GRK5: variants seen among roughly 807,000 people sequenced by gnomAD.
GRK5 encodes the protein G protein-coupled receptor kinase 5, also known as g protein-coupled receptor kinase GRK5.
In GRK5, 40 loss-of-function variants were observed where a neutral mutation model predicts 78.4. The observed-to-expected ratio is 0.51, with a 90% CI of 0.40 to 0.66. The LOEUF (loss-of-function observed/expected upper bound fraction) is 0.66, where lower values mean the gene tolerates loss of function less well. Ranked by LOEUF, GRK5 falls within the 30% of genes least tolerant of loss-of-function variation. The pLI is 0.00. For missense variants in GRK5, 598 were observed against 759.9 expected (o/e 0.79, Z 2.50); for synonymous variants, 289 against 296.8 (o/e 0.97, Z 0.27).
chr10:119,349,237 G>C (rs922429301), intron 2 of GRK5, among the ~76,000 whole-genome samples: 1 of 152,170 alleles, frequency 6.6e-6, no homozygotes, highest in Admixed American at 6.5e-5. Flanking sequence ...ATTTGCAGTC[G>C]GTCAAGCCTG....
chr10:119,207,866 C>G lies in GRK5; in HGVS notation c.-52C>G, dbSNP rs1299469307. 1 of 1,530,564 alleles carries G rather than the reference C, an allele frequency of 6.5e-7. No individual in the cohort carries two copies. Among genetic ancestry groups the G allele is most frequent in the African/African-American group, 1.4e-5 (1 of 70,730 alleles). The allele number at this position is 1,530,564 out of a possible 1,614,324, so 94.8% of individuals were successfully genotyped here. A position where few individuals can be genotyped will look rare whatever the true frequency, so the allele number is the denominator to read the frequency against. ...CAGCGGCAGCAGCAGCGGCAGCACC[C>G]CAGGCGCTGACAGCCCCGCCGGCCG... On this transcript the variant is annotated 5_prime_UTR_variant, in exon 1 of 16. Transcript: ENST00000392870.
At chr10:119,376,845 G>A (rs191039354) in intron 2 of GRK5, among the ~76,000 whole-genome samples, 38 of 152,288 alleles carry the variant, frequency 2.5e-4, no homozygotes, top group African/African-American at 9.1e-4. Flanking sequence ...GGGATTACAG[G>A]CGTAAGCCAC....
rs1472726992 is a variant in GRK5 at position 119,264,417 on chromosome 10, C to T, written c.52+56448C>T. ...TTCTCTGTTTCCTGCCTCCTGCTTC[C>T]TACAGCTCTTGGCTCTGCTGCTTTC... On this transcript the variant is annotated intron_variant, in intron 1 of 15. Coordinates refer to ENST00000392870, the MANE Select transcript of GRK5 (RefSeq NM_005308.3). This position sits in a 1 kb window ranked among gnomAD's most constrained non-coding sequence, Gnocchi z 4.1. Among the ~76,000 whole-genome samples, 1 of 152,156 alleles carries T rather than the reference C, an allele frequency of 6.6e-6. No homozygotes were observed. The highest frequency in any genetic ancestry group is 2.4e-5 in the African/African-American group (1 of 41,410).
intron 1 of GRK5, among the ~76,000 whole-genome samples, chr10:119,251,826 C>G (rs987082220): frequency 1.3e-5 from 2 of 152,180 alleles, no homozygotes; most frequent in African/African-American, 2.4e-5. Flanking sequence ...TGTCTCCAGA[C>G]TTTGTCAAAT....
Position 119,373,809 on chromosome 10 carries a change from C to A in GRK5, c.149-7006C>A, listed in dbSNP as rs576752153. On this transcript the variant is annotated intron_variant, in intron 2 of 15. Coordinates refer to ENST00000392870, the MANE Select transcript of GRK5 (RefSeq NM_005308.3). ...TTGCTCGACACGGGGTTGCCACAAA[C>A]CTTCAATTCATATAAAAAATGCAAT... Among the ~76,000 whole-genome samples the A allele has an allele frequency of 5.8e-4, 88 of 152,254 alleles. 1 individual carries two copies. Among genetic ancestry groups the A allele is most frequent in the Admixed American group, 5.8e-3 (88 of 15,290 alleles).
chr10:119,364,018 A>C (rs767694695), intron 2 of GRK5, among the ~76,000 whole-genome samples: 1 of 152,254 alleles, frequency 6.6e-6, no homozygotes, highest in Non-Finnish European at 1.5e-5. Context: ...CATCTAGGTC[A>C]GCATCAAGGA....
intron 1 of GRK5, among the ~76,000 whole-genome samples, chr10:119,287,036 G>A (rs890428828): frequency 6.6e-6 from 1 of 150,594 alleles, no homozygotes; most frequent in Non-Finnish European, 1.5e-5. Flanking sequence ...AATTTATATT[G>A]AAGAATAGGA....
chr10:119,370,736 T>C (rs1851532719), intron 2 of GRK5, among the ~76,000 whole-genome samples: 1 of 152,170 alleles, frequency 6.6e-6, no homozygotes, highest in South Asian at 2.1e-4. Flanking sequence ...CACTTCTCTG[T>C]TTATTGTTTC....
At chr10:119,391,248 T>G (rs1197665554) in intron 3 of GRK5, among the ~76,000 whole-genome samples, 1 of 152,220 alleles carries the variant, frequency 6.6e-6, no homozygotes, top group Non-Finnish European at 1.5e-5. Flanking sequence ...TAGAGAACAC[T>G]TTGCCCAGGC....
Position 119,336,908 on chromosome 10 carries a change from T to C in GRK5, c.148+10297T>C, listed in dbSNP as rs1027915804. ...AGGAGGGAAGGGTGGCCCCGCTGTC[T>C]TTGCGGTGTTAGTCTCACCTCCCCA... On this transcript the variant is annotated intron_variant, in intron 2 of 15. Transcript: ENST00000392870. This position sits in a 1 kb window ranked among gnomAD's most constrained non-coding sequence, Gnocchi z 4.5. Among the ~76,000 whole-genome samples the C allele has an allele frequency of 2.2e-4, 34 of 152,148 alleles. No individual in the cohort carries two copies. Among genetic ancestry groups the C allele is most frequent in the Admixed American group, 5.9e-4 (9 of 15,282 alleles).
chr10:119,358,326 C>T (rs1033531396), intron 2 of GRK5, among the ~76,000 whole-genome samples: 10 of 152,116 alleles, frequency 6.6e-5, no homozygotes, highest in African/African-American at 1.9e-4. Context: ...TGATTATGCC[C>T]GGGGTGTAGC....
intron 2 of GRK5, among the ~76,000 whole-genome samples, chr10:119,354,805 G>A (rs1455820912): frequency 6.6e-6 from 1 of 152,038 alleles, no homozygotes; most frequent in African/African-American, 2.4e-5. Flanking sequence ...AACCAAACAT[G>A]GATTGAAAAT....
chr10:119,353,186 G>C (rs182380338), intron 2 of GRK5, among the ~76,000 whole-genome samples: 1 of 152,250 alleles, frequency 6.6e-6, no homozygotes, highest in Middle Eastern at 3.4e-3. Context: ...TGGGAATTGG[G>C]ATGCTAGACC....
At chr10:119,368,378 T>G (rs1269964613) in intron 2 of GRK5, among the ~76,000 whole-genome samples, 1 of 151,940 alleles carries the variant, frequency 6.6e-6, no homozygotes, top group Non-Finnish European at 1.5e-5. Context: ...GGGGTGGTGC[T>G]GGGGGCGGGG....
chr10:119,329,011 C>A (rs1041439121), intron 2 of GRK5, among the ~76,000 whole-genome samples: 1 of 152,236 alleles, frequency 6.6e-6, no homozygotes, highest in African/African-American at 2.4e-5. Context: ...TTCACCACTG[C>A]GTAGTTGGTG....
intron 3 of GRK5, among the ~76,000 whole-genome samples, chr10:119,394,317 G>C (rs117191330): frequency 2.5e-4 from 5 of 20,376 alleles, no homozygotes; most frequent in Admixed American, 3.8e-4. Flanking sequence ...TGGGCACGTG[G>C]GTGTGTGTAT....
intron 1 of GRK5, among the ~76,000 whole-genome samples, chr10:119,261,500 G>A (rs1219368771): frequency 2.6e-5 from 4 of 151,718 alleles, no homozygotes; most frequent in East Asian, 2.0e-4. Flanking sequence ...ACGGGGTGGC[G>A]GCCGGGCAGA....
chr10:119,442,042 C>T lies in GRK5; in HGVS notation c.1011C>T (p.Pro337=), dbSNP rs149427927. The T allele has an allele frequency of 4.5e-5, 73 of 1,613,986 alleles. No individual in the cohort carries two copies. Among genetic ancestry groups the T allele is most frequent in the Middle Eastern group, 3.3e-4 (2 of 6,062 alleles). ...ACCTGGGCTTGGCTGTGAAGATCCC[C>T]GAGGGAGACCTGATCCGCGGCCGGG... is the stretch of plus-strand genomic sequence containing the variant. ...ISDLGLAVKI[P]EGDLIRGRVG... The change falls in exon 11 of 16, where the codon CCC becomes CCT. Residue 337 remains proline, a synonymous_variant. Coordinates refer to ENST00000392870, the MANE Select transcript of GRK5 (RefSeq NM_005308.3).
chr10:119,355,621 AAT>A (rs549765056), intron 2 of GRK5, among the ~76,000 whole-genome samples: 47 of 152,350 alleles, frequency 3.1e-4, no homozygotes, highest in African/African-American at 1.1e-3. Flanking sequence ...CTCTATTAAA[AAT>A]ACAAAAATTA....
Sources: allele counts gnomAD v4.1 joint callset (sites outside exome capture counted in the v4.1 genomes callset), GRCh38; gene constraint gnomAD v4.1.1; non-coding constraint Gnocchi (gnomAD v3.1); transcripts MANE v1.5; gene names NCBI Gene and HGNC (gene_info 2026-07-23, HGNC 2026-07-21).